The following SYTL3 variants were observed in gnomAD, a reference collection of about 807,000 sequenced individuals.
SYTL3 encodes synaptotagmin-like protein 3.
In SYTL3, 88 loss-of-function variants were observed where a neutral mutation model predicts 82.1. The ratio of observed to expected loss-of-function variants is 1.07; its 90% CI spans 0.90 to 1.28. The LOEUF is 1.28. Among genes scored for constraint, SYTL3 ranks in the 50% most tolerant of loss-of-function variants. SYTL3 has a pLI of 0.00. For missense variants in SYTL3, 831 were observed against 757.6 expected (o/e 1.10, Z -1.14); for synonymous variants, 311 against 289.4 (o/e 1.07, Z -0.76).
chr6:158,694,647 A>G (rs1562385377), intron 6 of SYTL3, among the ~76,000 whole-genome samples: 2 of 152,228 alleles, frequency 1.3e-5, no homozygotes, highest in Non-Finnish European at 2.9e-5. Context: ...CATAGTAGCA[A>G]CACAAAAATT....
chr6:158,745,364 ATG>A, intron 11 of SYTL3, 114 bp from the exon 12 acceptor site: 1 of 887,562 alleles, frequency 1.1e-6, no homozygotes, highest in Non-Finnish European at 1.7e-6. Context: ...TATTAACTTG[ATG>A]TGAGTCAGGA....
intron 8 of SYTL3, among the ~76,000 whole-genome samples, chr6:158,713,448 A>G (rs931659009): frequency 8.5e-5 from 13 of 152,178 alleles, no homozygotes; most frequent in Non-Finnish European, 1.6e-4. Context: ...AAAGAGGTTA[A>G]ACAAGCAGTA....
chr6:158,726,576 C>T, intron 11 of SYTL3: 1 of 213,872 alleles, frequency 4.7e-6, no homozygotes, highest in South Asian at 9.5e-5. Context: ...TCTGTAAGGG[C>T]CACTGAAGAA....
intron 2 of SYTL3, among the ~76,000 whole-genome samples, chr6:158,658,085 G>A (rs1788915395): frequency 6.6e-6 from 1 of 151,894 alleles, no homozygotes; most frequent in South Asian, 2.1e-4. Flanking sequence ...GTAGAGACGG[G>A]GTTTCACTGT....
chr6:158,742,670 G>A (rs1248928256), intron 11 of SYTL3, among the ~76,000 whole-genome samples: 1 of 151,912 alleles, frequency 6.6e-6, no homozygotes, highest in Admixed American at 6.6e-5. Flanking sequence ...CCGCCTCCTG[G>A]ATTCAAGCTA....
At chr6:158,695,777 A>G (rs2128430123) in intron 6 of SYTL3, among the ~76,000 whole-genome samples, 1 of 152,236 alleles carries the variant, frequency 6.6e-6, no homozygotes, top group African/African-American at 2.4e-5. Flanking sequence ...ATCATAATGT[A>G]TTTGTTCTTT....
At chr6:158,734,742 C>T (rs778131499) in intron 11 of SYTL3, among the ~76,000 whole-genome samples, 6 of 152,156 alleles carry the variant, frequency 3.9e-5, no homozygotes, top group Non-Finnish European at 5.9e-5. Flanking sequence ...GTCACCTCCC[C>T]ACTAGACTCT....
At chr6:158,757,000 A>ACCCCCCCCCCC (rs55885095) in intron 13 of SYTL3, among the ~76,000 whole-genome samples, 1 of 141,932 alleles carries the variant, frequency 7.0e-6, no homozygotes, top group Non-Finnish European at 1.5e-5. Flanking sequence ...CAGAGAGAGG[A>ACCCCCCCCCCC]CCCCCCCGCC....
At chr6:158,757,451 C>G in intron 14 of SYTL3, 70 bp downstream of exon 14, 1 of 1,524,696 alleles carries the variant, frequency 6.6e-7, no homozygotes. Context: ...TCAGAGAGAT[C>G]CCAGAAGAGA....
At position 158,764,546 on chromosome 6, in the gene SYTL3, G is replaced by T; in HGVS notation, c.1775G>T (p.Trp592Leu). The T allele has an allele frequency of 3.7e-6, 6 of 1,614,124 alleles. No individual in the cohort carries two copies. Among genetic ancestry groups the T allele is most frequent in the Non-Finnish European group, 5.1e-6 (6 of 1,180,018 alleles). Residue 592 changes from tryptophan (W) to leucine (L), a missense_variant, in exon 18 of 18, where the codon TGG (tryptophan) becomes TTG (leucine). By Grantham distance (61) the Trp-to-Leu change is moderately conservative (BLOSUM62 -2). Transcript: ENST00000611299. ...GDACSLSKLQ[W>L]QKVLSSPNLW... ...GCATGCTCACTATCGAAGCTCCAGT[G>T]GCAGAAAGTCCTTTCCAGCCCCAAT...
intron 9 of SYTL3, 78 bp downstream of exon 9, chr6:158,713,956 A>G (rs369622889): frequency 4.9e-6 from 5 of 1,015,398 alleles, no homozygotes; most frequent in African/African-American, 3.2e-5. Flanking sequence ...CTGGCCGGTG[A>G]CCTCGGTTGA....
chr6:158,693,855 C>CTTTTCTTTTCTTTCTTTT (rs71030191), intron 6 of SYTL3, among the ~76,000 whole-genome samples: 2 of 96,864 alleles, frequency 2.1e-5, no homozygotes, highest in African/African-American at 1.1e-4. Flanking sequence ...TTTTTCTTTT[C>CTTTTCTTTTCTTTCTTTT]TTTTTTTTTT....
intron 2 of SYTL3, among the ~76,000 whole-genome samples, chr6:158,655,393 A>G (rs1583119119): frequency 1.3e-5 from 2 of 152,214 alleles, no homozygotes; most frequent in East Asian, 3.8e-4. Context: ...CAAGCCAAAC[A>G]TCAAGTGCCT....
At chr6:158,701,830 G>T (rs1272331708) in intron 6 of SYTL3, among the ~76,000 whole-genome samples, 11 of 151,958 alleles carry the variant, frequency 7.2e-5, no homozygotes, top group Non-Finnish European at 1.2e-4. Flanking sequence ...TGCTTCCTCT[G>T]CTGGTGCTAG....
In SYTL3 at chr6:158,745,494, C is replaced by T. The variant is rs763749419; in HGVS notation, c.870C>T (p.Ser290=). 3.1e-6 allele frequency: 5 copies of T among 1,608,374 alleles called. No individual in the cohort carries two copies. Among genetic ancestry groups the T allele is most frequent in the South Asian group, 1.1e-5 (1 of 89,594 alleles). ...SGGFRHGSLI[S]IDSTCTEMGN... is the part of the protein sequence containing the mutation. Reference sequence around the variant, plus strand: ...CTTGATTTCAGGGAAGTTTAATTAGCATTGACAGCACCTGTACAGAGATGG... The same window carrying T: ...CTTGATTTCAGGGAAGTTTAATTAGTATTGACAGCACCTGTACAGAGATGG... The change falls in exon 12 of 18, where the codon AGC becomes AGT. Residue 290 remains serine (S), a synonymous_variant. Coordinates refer to ENST00000611299, the MANE Select transcript of SYTL3 (RefSeq NM_001242394.2).
chr6:158,755,080 C>T (rs1368550130), intron 13 of SYTL3, among the ~76,000 whole-genome samples: 5 of 152,184 alleles, frequency 3.3e-5, no homozygotes, highest in Non-Finnish European at 5.9e-5. Context: ...TGGAGGCTCA[C>T]GCTTGTAATC....
rs553949142 is a variant in SYTL3, at chr6:158,713,884, T to G, written c.595+6T>G. 6.5e-7 allele frequency: 1 copy of G among 1,546,664 alleles called. No homozygotes were observed. Among genetic ancestry groups the G allele is most frequent in the Non-Finnish European group, 8.7e-7 (1 of 1,143,036 alleles). Reference sequence around the variant, plus strand: ...TCTTGCTACCCACGTGAAAAGTAAGTGCATGCTTCATGATGTGTTTTCCCA... The same window carrying G: ...TCTTGCTACCCACGTGAAAAGTAAGGGCATGCTTCATGATGTGTTTTCCCA... On this transcript the variant is annotated splice_donor_region_variant and intron_variant, in intron 9 of 17. Coordinates refer to ENST00000611299, the MANE Select transcript of SYTL3 (RefSeq NM_001242394.2).
intron 5 of SYTL3, among the ~76,000 whole-genome samples, chr6:158,669,872 C>G (rs146455207): frequency 6.6e-6 from 1 of 152,274 alleles, no homozygotes; most frequent in African/African-American, 2.4e-5. Flanking sequence ...AATGCCCAAG[C>G]GGGAGGATCA....
At chr6:158,685,216 C>CTCT (rs769252041) in intron 6 of SYTL3, among the ~76,000 whole-genome samples, 6,968 of 135,564 alleles carry the variant, frequency 0.051, 337 homozygotes, top group African/African-American at 0.13. Context: ...CTCTCTCTCT[C>CTCT]TTTTTTTTTT....
Sources: gnomAD v4.1 joint callset for allele counts (sites outside exome capture counted in the v4.1 genomes callset) on GRCh38, gnomAD v4.1.1 for gene constraint, MANE v1.5 for transcripts, NCBI Gene and HGNC (gene_info 2026-07-23, HGNC 2026-07-21) for gene names.